Variants in CACNB2 observed in about 807,000 individuals in gnomAD.
CACNB2 encodes calcium voltage-gated channel auxiliary subunit beta 2.
A neutral mutation model predicts 73.3 loss-of-function variants in CACNB2; 42 were observed. The ratio of observed to expected loss-of-function variants is 0.57; its 90% CI spans 0.45 to 0.74. CACNB2 has a LOEUF of 0.74. CACNB2 is among the 30% of genes least tolerant of loss of function. The pLI is 0.00. For synonymous variants in CACNB2, 348 were observed against 310.3 expected (o/e 1.12, Z -1.28); for missense variants, 940 against 853.0 (o/e 1.10, Z -1.27).
chr10:18,195,623 C>T (rs1243877457), intron 2 of CACNB2, among the ~76,000 whole-genome samples: 1 of 152,210 alleles, frequency 6.6e-6, no homozygotes, highest in Non-Finnish European at 1.5e-5. Flanking sequence ...ATGCACGTGC[C>T]AAGAATGTTC....
intron 1 of CACNB2, among the ~76,000 whole-genome samples, chr10:18,143,076 A>G (rs2030595136): frequency 6.6e-6 from 1 of 152,206 alleles, no homozygotes; most frequent in Non-Finnish European, 1.5e-5. Flanking sequence ...TTCTAGTTCA[A>G]AAAGAGCATG....
At chr10:18,512,960 C>T (rs547504340) in intron 6 of CACNB2, among the ~76,000 whole-genome samples, 5 of 152,220 alleles carry the variant, frequency 3.3e-5, no homozygotes, top group African/African-American at 9.6e-5. Flanking sequence ...TTTTGTTGAC[C>T]GACGCCGGCT....
At chr10:18,241,129 C>T (rs773585773) in intron 2 of CACNB2, among the ~76,000 whole-genome samples, 34 of 152,130 alleles carry the variant, frequency 2.2e-4, no homozygotes, top group Non-Finnish European at 4.3e-4. Flanking sequence ...AGACTAAACT[C>T]GTGTTCATCT....
chr10:18,398,591 C>G (rs576400001), intron 2 of CACNB2, among the ~76,000 whole-genome samples: 1 of 151,878 alleles, frequency 6.6e-6, no homozygotes, highest in Non-Finnish European at 1.5e-5. Flanking sequence ...GGATCACTTT[C>G]GCCCAGGAGG....
At chr10:18,319,423 AC>A (rs543328510) in intron 2 of CACNB2, among the ~76,000 whole-genome samples, 117 of 152,042 alleles carry the variant, frequency 7.7e-4, no homozygotes, top group African/African-American at 2.7e-3. Flanking sequence ...CAGGGAGGGG[AC>A]CAACCCACAC....
At chr10:18,346,158 G>C (rs773023215) in intron 2 of CACNB2, among the ~76,000 whole-genome samples, 128 of 152,084 alleles carry the variant, frequency 8.4e-4, no homozygotes, top group Non-Finnish European at 1.4e-3. Context: ...TTATTTGTTT[G>C]AGGTGGAGTC....
chr10:18,198,515 C>A (rs1364020401), intron 2 of CACNB2, among the ~76,000 whole-genome samples: 1 of 152,132 alleles, frequency 6.6e-6, no homozygotes, highest in Non-Finnish European at 1.5e-5. Context: ...GGAGTCATTG[C>A]TCTGAAGCAT....
chr10:18,329,504 G>GAAAAAAAAAA (rs11413915), intron 2 of CACNB2, among the ~76,000 whole-genome samples: 293 of 111,798 alleles, frequency 2.6e-3, no homozygotes, highest in Non-Finnish European at 3.3e-3. Context: ...AGTAAAAAAA[G>GAAAAAAAAAA]AAAAAAAAAA....
At position 18,539,558 on chromosome 10, in the gene CACNB2, G is replaced by C. The variant is rs577739840; in HGVS notation, c.1817G>C (p.Arg606Pro). Residue 606 changes from arginine (R) to proline (P), a missense_variant, in exon 14 of 14, where the codon CGG becomes CCG. Arg to Pro is a moderately radical substitution (Grantham distance 103). Coordinates refer to ENST00000324631, the MANE Select transcript of CACNB2 (RefSeq NM_201596.3). ...GSSDHRHRES[R>P]HRSRDVDREQ... Reference sequence around the variant, plus strand: ...AGTGACCACAGACACAGGGAGTCCCGGCACCGTTCCCGGGACGTGGATCGA... The same window carrying C: ...AGTGACCACAGACACAGGGAGTCCCCGCACCGTTCCCGGGACGTGGATCGA... 212 of 1,613,312 alleles carry C rather than the reference G, an allele frequency of 1.3e-4. No homozygotes were observed. The highest frequency in any genetic ancestry group is 4.9e-4 in the Middle Eastern group (3 of 6,084).
chr10:18,359,471 A>G (rs1328672134), intron 2 of CACNB2, among the ~76,000 whole-genome samples: 2 of 151,902 alleles, frequency 1.3e-5, no homozygotes, highest in African/African-American at 2.4e-5. Context: ...ATGAGATTTT[A>G]TCATGTTGGC....
intron 3 of CACNB2, among the ~76,000 whole-genome samples, chr10:18,406,006 A>G (rs1455541384): frequency 6.6e-6 from 1 of 152,190 alleles, no homozygotes; most frequent in East Asian, 1.9e-4. Flanking sequence ...TGATCTTCTT[A>G]GCCGAATAGA....
At chr10:18,355,663 G>T (rs2041878375) in intron 2 of CACNB2, among the ~76,000 whole-genome samples, 1 of 148,882 alleles carries the variant, frequency 6.7e-6, no homozygotes. Flanking sequence ...TTGAGACAGA[G>T]TCTTGCTCTG....
intron 2 of CACNB2, among the ~76,000 whole-genome samples, chr10:18,196,163 T>C (rs1210158595): frequency 6.6e-6 from 1 of 152,180 alleles, no homozygotes; most frequent in East Asian, 1.9e-4. Flanking sequence ...ACACAGAGAT[T>C]AAGTAAATTG....
chr10:18,212,902 A>G (rs897772006), intron 2 of CACNB2, among the ~76,000 whole-genome samples: 10 of 152,248 alleles, frequency 6.6e-5, no homozygotes, highest in Admixed American at 5.2e-4. Context: ...GAGCCCTGGC[A>G]ATAGTTAATT....
At chr10:18,176,441 C>A (rs533655642) in intron 2 of CACNB2, among the ~76,000 whole-genome samples, 2 of 152,086 alleles carry the variant, frequency 1.3e-5, no homozygotes, top group South Asian at 4.2e-4. Context: ...ATTGTTCTTA[C>A]TAGGGAATCA....
intron 2 of CACNB2, among the ~76,000 whole-genome samples, chr10:18,335,251 T>G (rs1479952877): frequency 7.2e-5 from 11 of 152,188 alleles, no homozygotes. Flanking sequence ...TTTCTTCTGG[T>G]GTCAGGCATG....
chr10:18,468,019 G>A (rs768813034), intron 3 of CACNB2, among the ~76,000 whole-genome samples: 18 of 151,992 alleles, frequency 1.2e-4, no homozygotes, highest in African/African-American at 1.7e-4. Flanking sequence ...GTATGACTTG[G>A]GCCTTAAGGA....
rs112766837 is a variant in CACNB2 at position 18,393,133 on chromosome 10, C to T, written c.214-8791C>T. Among the ~76,000 whole-genome samples the T allele has an allele frequency of 3.8e-3, 576 of 150,820 alleles. 6 individuals are homozygous for T. The highest frequency in any genetic ancestry group is 0.014 in the African/African-American group (557 of 41,012). Reference sequence around the variant, plus strand: ...CTGAGGCAGGAGAATCGCTTGAACCCGGGAAGCGGAGATTGCAGTGAGCCG... The same window carrying T: ...CTGAGGCAGGAGAATCGCTTGAACCTGGGAAGCGGAGATTGCAGTGAGCCG... On this transcript the variant is annotated intron_variant, in intron 2 of 13. Transcript: ENST00000324631.
At chr10:18,535,362 C>G (rs2053459087) in intron 11 of CACNB2, among the ~76,000 whole-genome samples, 1 of 152,100 alleles carries the variant, frequency 6.6e-6, no homozygotes, top group South Asian at 2.1e-4. Context: ...CGTATTTCAA[C>G]CAAAACATGA....
Sources: gnomAD v4.1 joint callset for allele counts (sites outside exome capture counted in the v4.1 genomes callset) on GRCh38, gnomAD v4.1.1 for gene constraint, MANE v1.5 for transcripts, NCBI Gene and HGNC (gene_info 2026-07-23, HGNC 2026-07-21) for gene names.